Variants in DENND4C observed in about 807,000 individuals in gnomAD.
DENND4C encodes DENN domain-containing protein 4C.
In DENND4C, 108 loss-of-function variants were observed where a neutral mutation model predicts 203.0. The ratio of observed to expected loss-of-function variants is 0.53; its 90% confidence interval spans 0.46 to 0.62. The LOEUF (loss-of-function observed/expected upper bound fraction) is 0.62, where lower values mean the gene tolerates loss of function less well. DENND4C is among the 20% of genes least tolerant of loss of function. The pLI, the probability that DENND4C is intolerant of heterozygous loss-of-function variation, is 0.00. For synonymous variants in DENND4C, 871 were observed against 792.4 expected, an observed-to-expected ratio of 1.10 and a Z score of -1.67; for missense variants, 2,481 against 2,301.2, an observed-to-expected ratio of 1.08 and a Z score of -1.60.
chr9:19,307,391 C>G (rs13287416), intron 10 of DENND4C, among the ~76,000 whole-genome samples: 34,343 of 125,614 alleles, frequency 0.27, 4,508 homozygotes, highest in East Asian at 0.44. Context: ...AAGACTCTGT[C>G]TCAAAAAAAA....
chr9:19,316,057 C>T (rs917578240), intron 10 of DENND4C, among the ~76,000 whole-genome samples: 2 of 152,144 alleles, frequency 1.3e-5, no homozygotes, highest in African/African-American at 4.8e-5. Context: ...TGTCTTTGGG[C>T]ACACAGCATT....
chr9:19,357,191 A>G, intron 27 of DENND4C, 37 bp downstream of exon 27: 1 of 1,605,772 alleles, frequency 6.2e-7, no homozygotes, highest in Non-Finnish European at 8.5e-7. Context: ...ATGTAGTAAT[A>G]AATGGGGTAC....
chr9:19,277,188 T>G (rs1326104952), intron 2 of DENND4C, among the ~76,000 whole-genome samples: 1 of 152,170 alleles, frequency 6.6e-6, no homozygotes, highest in Non-Finnish European at 1.5e-5. Flanking sequence ...GGGAACATCC[T>G]GGCAAGTATT....
At chr9:19,270,058 A>G (rs1831311078) in intron 1 of DENND4C, among the ~76,000 whole-genome samples, 1 of 152,164 alleles carries the variant, frequency 6.6e-6, no homozygotes, top group Non-Finnish European at 1.5e-5. Flanking sequence ...AATAGCCAGT[A>G]TTCCCTGGAT....
At position 19,324,122 on chromosome 9, in the gene DENND4C, T is replaced by C. The variant is rs146880138; in HGVS notation, c.1808-240T>C. On this transcript the variant is annotated intron_variant, in intron 12 of 32. Transcript: ENST00000434457. ...TTACTTGGGTCTCATCCCCAAGATA[T>C]GTGATTGTGCACATGCAAATATTTC... Among the ~76,000 whole-genome samples the C allele has an allele frequency of 4.3e-3, 650 of 152,234 alleles. 4 individuals carry two copies. The highest frequency in any genetic ancestry group is 7.4e-3 in the Non-Finnish European group (501 of 68,016).
intron 16 of DENND4C, among the ~76,000 whole-genome samples, chr9:19,330,898 A>G (rs1050742544): frequency 2.0e-5 from 3 of 151,722 alleles, no homozygotes; most frequent in African/African-American, 7.3e-5. Flanking sequence ...AAAAATCTGC[A>G]CAAAAAAATT....
chr9:19,238,886 C>G (rs182663018), intron 1 of DENND4C, among the ~76,000 whole-genome samples: 1 of 151,052 alleles, frequency 6.6e-6, no homozygotes, highest in East Asian at 2.0e-4. Context: ...CTCTTGACCT[C>G]AGGTGATCCA....
At chr9:19,347,294 C>G (rs1355032988) in intron 23 of DENND4C, among the ~76,000 whole-genome samples, 39 of 152,160 alleles carry the variant, frequency 2.6e-4, no homozygotes. Flanking sequence ...CCATGCCCAG[C>G]TAATTTTTGT....
intron 22 of DENND4C, among the ~76,000 whole-genome samples, chr9:19,345,569 A>G (rs1248970589): frequency 6.6e-6 from 1 of 152,246 alleles, no homozygotes; most frequent in Non-Finnish European, 1.5e-5. Flanking sequence ...ACTGGCAAGT[A>G]TTTGTTGAAT....
intron 11 of DENND4C, 30 bp from the exon 12 acceptor site, chr9:19,316,591 A>AC (rs746630751): frequency 1.2e-6 from 2 of 1,606,998 alleles, no homozygotes; most frequent in East Asian, 4.5e-5. Flanking sequence ...TTAACATAAT[A>AC]CCATTTTCTG....
At chr9:19,296,336 A>C in intron 6 of DENND4C, 90 bp downstream of exon 6, 2 of 888,134 alleles carry the variant, frequency 2.3e-6, no homozygotes, top group Non-Finnish European at 3.5e-6. Context: ...GCAAAGTTGG[A>C]AGGGAAGGAA....
intron 1 of DENND4C, among the ~76,000 whole-genome samples, chr9:19,264,948 G>A (rs1283914379): frequency 6.6e-6 from 1 of 151,882 alleles, no homozygotes; most frequent in East Asian, 1.9e-4. Context: ...TCATAGTACT[G>A]TTTTTGCTGT....
At position 19,297,439 on chromosome 9, in the gene DENND4C, T is replaced by A. The variant is rs377625745; in HGVS notation, c.1041-617T>A. On this transcript the variant is annotated intron_variant, in intron 6 of 32. Transcript: ENST00000434457. ...CTGGGTTTAACTTTCAGCTGTCAGA[T>A]TAATTTAAAGTTTATTGAAGTAAAA... Among the ~76,000 whole-genome samples, 62 of 152,320 alleles carry A rather than the reference T, an allele frequency of 4.1e-4. 1 individual carries two copies. The South Asian group carries it at 0.011, about 28-fold the overall frequency.
intron 1 of DENND4C, among the ~76,000 whole-genome samples, chr9:19,249,845 G>T (rs922313204): frequency 2.6e-5 from 4 of 151,874 alleles, no homozygotes; most frequent in Non-Finnish European, 5.9e-5. Flanking sequence ...TTTTGTAGGG[G>T]CTAGGTCTCA....
chr9:19,267,498 T>C (rs534504159), intron 1 of DENND4C, among the ~76,000 whole-genome samples: 7 of 152,188 alleles, frequency 4.6e-5, no homozygotes, highest in African/African-American at 1.7e-4. Context: ...TGTATCTTTA[T>C]AGGTGAAGTG....
rs1463484558 is a variant in DENND4C at position 19,346,928 on chromosome 9, T to C, written c.4159T>C (p.Leu1387=). ...ALVRSSPHGS[L]GSVVNSLSGL... ...GGTGCGTTCTTCGCCACATGGCTCG[T>C]TGGGTTCTGTAGTAAATTCTTTGTC... The change falls in exon 23 of 33, where the codon TTG becomes CTG. Residue 1387 remains leucine (L), a synonymous_variant. Coordinates refer to ENST00000434457, the MANE Select transcript of DENND4C (RefSeq NM_001330640.2). 1.2e-6 allele frequency: 2 copies of C among 1,614,054 alleles called. No individual in the cohort carries two copies. Among genetic ancestry groups the C allele is most frequent in the African/African-American group, 1.3e-5 (1 of 74,918 alleles).
chr9:19,267,909 T>A lies in DENND4C; in HGVS notation c.-17-8249T>A, dbSNP rs544448079. Among the ~76,000 whole-genome samples the A allele has an allele frequency of 3.3e-5, 5 of 152,260 alleles. No individual in the cohort carries two copies. The South Asian group carries it at 8.3e-4, about 25-fold the overall frequency. On this transcript the variant is annotated intron_variant, in intron 1 of 32. Coordinates refer to ENST00000434457, the MANE Select transcript of DENND4C (RefSeq NM_001330640.2). ...CGTTCAGCCTCTGTATGTCTTTTGA[T>A]TGGAGAATTTAGTCTGTTTACATTC...
chr9:19,237,634 G>A (rs1238650623), intron 1 of DENND4C, among the ~76,000 whole-genome samples: 1 of 152,182 alleles, frequency 6.6e-6, no homozygotes, highest in Admixed American at 6.5e-5. Context: ...TGGGATTACA[G>A]GCGTAGCCAT....
chr9:19,353,454 C>T (rs1181177090), intron 26 of DENND4C, among the ~76,000 whole-genome samples: 1 of 151,998 alleles, frequency 6.6e-6, no homozygotes, highest in African/African-American at 2.4e-5. Context: ...ACAGTGAAAC[C>T]CTGTCTCTAC....
Sources: allele counts gnomAD v4.1 joint callset (sites outside exome capture counted in the v4.1 genomes callset), GRCh38; gene constraint gnomAD v4.1.1; transcripts MANE v1.5; gene names NCBI Gene and HGNC (gene_info 2026-07-23, HGNC 2026-07-21).